AIDA: variants seen among roughly 807,000 people sequenced by gnomAD.
AIDA encodes axin interactor, dorsalization-associated protein.
A neutral mutation model predicts 42.7 loss-of-function variants in AIDA; 18 were observed. The ratio of observed to expected loss-of-function variants is 0.42; its 90% CI spans 0.29 to 0.63. AIDA has a LOEUF of 0.63. AIDA is among the 20% of genes least tolerant of loss of function. AIDA has a pLI of 0.19. For synonymous variants in AIDA, 104 were observed against 122.9 expected (o/e 0.85, Z 1.02); for missense variants, 250 against 354.1 (o/e 0.71, Z 2.36).
chr1:222,701,249 C>G (rs866165317), intron 2 of AIDA, among the ~76,000 whole-genome samples: 3 of 152,198 alleles, frequency 2.0e-5, no homozygotes, highest in Admixed American at 6.5e-5. Flanking sequence ...AGGCATGTGG[C>G]ACCATGCCCA....
intron 7 of AIDA, among the ~76,000 whole-genome samples, chr1:222,673,927 T>C (rs2124948368): frequency 6.6e-6 from 1 of 151,468 alleles, no homozygotes; most frequent in East Asian, 1.9e-4. Flanking sequence ...CTACTAAAAA[T>C]ACAAAAAAAA....
intron 4 of AIDA, among the ~76,000 whole-genome samples, chr1:222,687,917 A>G (rs1655244678): frequency 6.6e-6 from 1 of 152,178 alleles, no homozygotes; most frequent in Non-Finnish European, 1.5e-5. Context: ...AGAGTCTCAG[A>G]GCCCTCATGA....
Position 222,676,126 on chromosome 1 carries a change from T to C in AIDA, c.553A>G (p.Ile185Val), listed in dbSNP as rs1183488257. The C allele has an allele frequency of 1.9e-6, 3 of 1,611,662 alleles. No individual in the cohort carries two copies. The highest frequency in any genetic ancestry group is 3.4e-5 in the Admixed American group (2 of 59,568). The change falls in exon 7 of 10, where the codon ATC (isoleucine) becomes GTC (valine). Residue 185 changes from isoleucine (I) to valine (V), a missense_variant. Coordinates refer to ENST00000340020, the MANE Select transcript of AIDA (RefSeq NM_022831.4). The stretch of plus-strand genomic sequence containing the variant: ...ACACTAACTGTAATATAGGGATCGA[T>C]GCACTGCCCAGCATCTTTCAAACCA... ...KIGLKDAGQC[I>V]DPYITVSVKD...
Position 222,711,269 on chromosome 1 carries a change from T to G in AIDA, c.110+939A>C, listed in dbSNP as rs1192610938. On this transcript the variant is annotated intron_variant, in intron 1 of 9. Transcript: ENST00000340020. The stretch of plus-strand genomic sequence containing the variant: ...GTGCAAAAACCTAAGCAAGGTTTTA[T>G]GTGTATATAAATCTTGTCTTTTATT... The G allele has an allele frequency of 2.0e-5, 3 of 152,208 alleles. No homozygotes were observed. The East Asian group carries it at 5.8e-4, about 29-fold the overall frequency. The allele number at this position is 152,208 out of a possible 1,614,324, so 9.4% of individuals were successfully genotyped here.
chr1:222,703,855 A>G (rs1249714965), intron 1 of AIDA, among the ~76,000 whole-genome samples: 1 of 152,210 alleles, frequency 6.6e-6, no homozygotes, highest in African/African-American at 2.4e-5. Context: ...CAAGCTCAAC[A>G]ATAAGGACCC....
chr1:222,685,813 T>A (rs1029513730), intron 6 of AIDA, among the ~76,000 whole-genome samples: 1 of 152,178 alleles, frequency 6.6e-6, no homozygotes, highest in African/African-American at 2.4e-5. Flanking sequence ...GGGCAATTGT[T>A]CAATATCCAC....
chr1:222,700,126 G>A (rs1458674749), intron 2 of AIDA, among the ~76,000 whole-genome samples: 1 of 152,126 alleles, frequency 6.6e-6, no homozygotes, highest in East Asian at 1.9e-4. Context: ...GTGATTTGGG[G>A]TTCCTTATCC....
At chr1:222,697,884 G>T (rs1307006355) in intron 2 of AIDA, among the ~76,000 whole-genome samples, 1 of 152,092 alleles carries the variant, frequency 6.6e-6, no homozygotes, top group African/African-American at 2.4e-5. Context: ...GGTAAGGGTG[G>T]AAAGGAGAGC....
intron 6 of AIDA, among the ~76,000 whole-genome samples, chr1:222,679,569 C>CAACA (rs1223954413): frequency 1.3e-5 from 2 of 152,204 alleles, no homozygotes; most frequent in African/African-American, 4.8e-5. Context: ...TTAATCCTCC[C>CAACA]AACAACCCTA....
intron 4 of AIDA, among the ~76,000 whole-genome samples, chr1:222,692,935 T>A (rs982115987): frequency 3.9e-5 from 6 of 152,150 alleles, no homozygotes; most frequent in African/African-American, 1.4e-4. Flanking sequence ...GAAGAATACA[T>A]CAGCAAAACA....
At position 222,668,030 on chromosome 1, in the gene AIDA, T is replaced by C. The variant is rs563249662; in HGVS notation, c.*1863A>G. On this transcript the variant is annotated 3_prime_UTR_variant, in exon 10 of 10. Coordinates refer to ENST00000340020, the MANE Select transcript of AIDA (RefSeq NM_022831.4). The stretch of plus-strand genomic sequence containing the variant: ...ACACAGTGTTCAATTTAAGCTTCTT[T>C]AATGTTGATGAAAGGTATTTGTAGT... The C allele has an allele frequency of 3.3e-5, 5 of 152,348 alleles. No homozygotes were observed. The East Asian group carries it at 9.6e-4, about 29-fold the overall frequency. 9.4% of individuals were successfully genotyped at this position (152,348 alleles called of 1,614,324 possible).
At chr1:222,684,588 T>C (rs999307714) in intron 6 of AIDA, among the ~76,000 whole-genome samples, 18 of 152,204 alleles carry the variant, frequency 1.2e-4, no homozygotes, top group Non-Finnish European at 2.1e-4. Flanking sequence ...ACACAGGCCC[T>C]GAACAATATG....
At chr1:222,701,610 A>C (rs1266446196) in intron 2 of AIDA, among the ~76,000 whole-genome samples, 2 of 152,194 alleles carry the variant, frequency 1.3e-5, no homozygotes, top group Non-Finnish European at 2.9e-5. Flanking sequence ...TCCTTAAGCA[A>C]ATCAGTAATT....
chr1:222,699,841 G>A (rs994047578), intron 2 of AIDA, among the ~76,000 whole-genome samples: 3 of 150,912 alleles, frequency 2.0e-5, no homozygotes, highest in East Asian at 2.0e-4. Flanking sequence ...GTGCGATCTC[G>A]GCTCACTGCA....
chr1:222,712,420 G>A lies in AIDA; in HGVS notation c.-103C>T, dbSNP rs1325883495. Reference sequence around the variant, plus strand: ...GCCCCGACATTAACAGGGCCAGGAGGAACCGCTACGGCCACCACCGCCACC... The same window carrying A: ...GCCCCGACATTAACAGGGCCAGGAGAAACCGCTACGGCCACCACCGCCACC... On this transcript the variant is annotated 5_prime_UTR_variant, in exon 1 of 10. Coordinates refer to ENST00000340020, the MANE Select transcript of AIDA (RefSeq NM_022831.4). 5.5e-6 allele frequency: 8 copies of A among 1,447,774 alleles called. No homozygotes were observed. The highest frequency in any genetic ancestry group is 7.3e-6 in the Non-Finnish European group (8 of 1,101,354). 89.7% of individuals were successfully genotyped at this position (1,447,774 alleles called of 1,614,324 possible). A position where few individuals can be genotyped will look rare whatever the true frequency, so the allele number is the denominator to read the frequency against.
chr1:222,710,892 T>C (rs1334278361), intron 1 of AIDA, among the ~76,000 whole-genome samples: 3 of 152,212 alleles, frequency 2.0e-5, no homozygotes, highest in Non-Finnish European at 4.4e-5. Flanking sequence ...CTAGTAGTTG[T>C]TACACATCGC....
At chr1:222,678,000 T>C (rs1178026335) in intron 6 of AIDA, among the ~76,000 whole-genome samples, 2 of 152,148 alleles carry the variant, frequency 1.3e-5, no homozygotes, top group Non-Finnish European at 1.5e-5. Context: ...AAAAATTGTA[T>C]ATTTTTGTTG....
intron 2 of AIDA, among the ~76,000 whole-genome samples, chr1:222,700,824 G>T (rs895179106): frequency 6.6e-6 from 1 of 151,970 alleles, no homozygotes; most frequent in Non-Finnish European, 1.5e-5. Flanking sequence ...TGGCCATGTG[G>T]CTGCTAAGGA....
chr1:222,701,427 T>A (rs1319519746), intron 2 of AIDA, among the ~76,000 whole-genome samples: 2 of 152,206 alleles, frequency 1.3e-5, no homozygotes, highest in Non-Finnish European at 2.9e-5. Flanking sequence ...TTCCTTAAGT[T>A]TTCATTCTGT....
Sources: allele counts gnomAD v4.1 joint callset (sites outside exome capture counted in the v4.1 genomes callset), GRCh38; gene constraint gnomAD v4.1.1; transcripts MANE v1.5; gene names NCBI Gene and HGNC (gene_info 2026-07-23, HGNC 2026-07-21).